Variants in PEX7 observed in about 807,000 individuals in gnomAD.
PEX7 encodes the protein peroxisomal biogenesis factor 7.
In PEX7, 34 loss-of-function variants were observed where a neutral mutation model predicts 47.5. The observed-to-expected ratio is 0.72, with a 90% CI of 0.54 to 0.95. PEX7 has a LOEUF of 0.95. PEX7 is among the 40% of genes least tolerant of loss of function. The probability of loss-of-function intolerance (pLI) is 0.00; values close to 1 mark genes in which losing one functional copy is unlikely to be tolerated. For missense variants in PEX7, 394 were observed against 400.3 expected (o/e 0.98, Z 0.13); for synonymous variants, 141 against 148.8 (o/e 0.95, Z 0.38).
At chr6:136,833,570 A>G (rs2115145647) in intron 3 of PEX7, among the ~76,000 whole-genome samples, 1 of 152,276 alleles carries the variant, frequency 6.6e-6, no homozygotes, top group East Asian at 1.9e-4. Context: ...TGGACTTGAT[A>G]TATTTCTTTT....
At chr6:136,891,651 CTTT>C (rs56658273) in intron 8 of PEX7, among the ~76,000 whole-genome samples, 3 of 140,570 alleles carry the variant, frequency 2.1e-5, no homozygotes, top group African/African-American at 2.6e-5. Flanking sequence ...TTCAACAGCC[CTTT>C]TTTTTTTTTT....
At chr6:136,883,289 T>G (rs1463170502) in intron 8 of PEX7, among the ~76,000 whole-genome samples, 5 of 152,296 alleles carry the variant, frequency 3.3e-5, no homozygotes, top group African/African-American at 9.6e-5. Context: ...TTTGAAAGCT[T>G]ATAGGCATAG....
intron 3 of PEX7, chr6:136,830,042 C>T (rs1774266186): frequency 1.4e-6 from 1 of 712,112 alleles, no homozygotes; most frequent in South Asian, 1.5e-5. Flanking sequence ...AATAGAAGAG[C>T]AACTAATGGG....
chr6:136,863,134 T>C (rs1002314027), intron 5 of PEX7, among the ~76,000 whole-genome samples: 3 of 152,242 alleles, frequency 2.0e-5, no homozygotes, highest in Non-Finnish European at 2.9e-5. Context: ...TTTGGTACTT[T>C]CAAACTTATC....
In PEX7 at chr6:136,903,427, C is replaced by T. The variant is rs1174855594; in HGVS notation, c.903+5186C>T. On this transcript the variant is annotated intron_variant, in intron 9 of 9. Transcript: ENST00000318471. Reference sequence around the variant, plus strand: ...CTGAGCTCAAGCAGTCCTCCTGCCTCGGCCTCCCAAAGTGCTGGCATTATA... The same window carrying T: ...CTGAGCTCAAGCAGTCCTCCTGCCTTGGCCTCCCAAAGTGCTGGCATTATA... Among the ~76,000 whole-genome samples, 13 of 150,026 alleles carry T rather than the reference C, an allele frequency of 8.7e-5. No homozygotes were observed. The South Asian group carries it at 1.3e-3, about 15-fold the overall frequency.
At chr6:136,855,809 G>T in intron 5 of PEX7, 1 of 300,632 alleles carries the variant, frequency 3.3e-6, no homozygotes. Flanking sequence ...CATACATCCA[G>T]TTGGCAAAGT....
intron 8 of PEX7, among the ~76,000 whole-genome samples, chr6:136,894,275 G>GGTGA (rs1381366164): frequency 3.3e-5 from 5 of 152,056 alleles, no homozygotes; most frequent in Non-Finnish European, 5.9e-5. Context: ...TGACCAACAT[G>GGTGA]GTGAAACCCC....
chr6:136,904,260 TTCCTC>T (rs1253080550), intron 9 of PEX7, among the ~76,000 whole-genome samples: 5 of 152,206 alleles, frequency 3.3e-5, no homozygotes, highest in African/African-American at 1.2e-4. Context: ...TCTCTGCTGT[TTCCTC>T]ATTGATGCTT....
chr6:136,823,274 A>G (rs1420213989), intron 1 of PEX7: 2 of 985,406 alleles, frequency 2.0e-6, no homozygotes, highest in South Asian at 4.7e-5. Flanking sequence ...CTTCCTAAGG[A>G]CGATGCTCCT....
chr6:136,910,147 T>C, intron 9 of PEX7, among the ~76,000 whole-genome samples: 1 of 152,360 alleles, frequency 6.6e-6, no homozygotes, highest in Middle Eastern at 3.4e-3. Flanking sequence ...TGCTACTCTA[T>C]TGTGAACATG....
intron 9 of PEX7, 88 bp from the exon 10 acceptor site, chr6:136,913,370 A>G: frequency 1.2e-6 from 1 of 866,028 alleles, no homozygotes; most frequent in Non-Finnish European, 2.0e-6. Context: ...ATGATTTACG[A>G]CACTCTAAAT....
intron 5 of PEX7, among the ~76,000 whole-genome samples, chr6:136,865,536 T>C (rs1775049683): frequency 6.6e-6 from 1 of 152,116 alleles, no homozygotes; most frequent in African/African-American, 2.4e-5. Context: ...TGACCACAGG[T>C]GATCTGCCCA....
rs1438384681 is a variant in PEX7, at chr6:136,846,183, T to G, written c.526+2T>G. 1 of 1,581,692 alleles carries G rather than the reference T, an allele frequency of 6.3e-7. No homozygotes were observed. Among genetic ancestry groups the G allele is most frequent in the Non-Finnish European group, 8.7e-7 (1 of 1,150,978 alleles). ...CTGGTTGTTTTGCTTCAGCCTCAGGTAAATTATTCTGTATTTACCAAAAGC... is the reference window on the plus strand; with the variant it reads ...CTGGTTGTTTTGCTTCAGCCTCAGGGAAATTATTCTGTATTTACCAAAAGC... On this transcript the variant is annotated splice_donor_variant, in intron 5 of 9. Transcript: ENST00000318471. LOFTEE classifies it high-confidence loss of function.
chr6:136,895,697 A>G (rs1252467395), intron 8 of PEX7, among the ~76,000 whole-genome samples: 1 of 152,188 alleles, frequency 6.6e-6, no homozygotes, highest in Admixed American at 6.5e-5. Context: ...GTTGGAAATG[A>G]ACCTCTCTTA....
intron 5 of PEX7, among the ~76,000 whole-genome samples, chr6:136,862,196 A>T (rs1424543705): frequency 2.0e-5 from 3 of 151,042 alleles, no homozygotes; most frequent in Non-Finnish European, 4.4e-5. Context: ...CGTCTTGAGT[A>T]GCTGGGATTA....
chr6:136,882,741 CT>C (rs1020843188), intron 8 of PEX7, among the ~76,000 whole-genome samples: 1 of 152,092 alleles, frequency 6.6e-6, no homozygotes, highest in African/African-American at 2.4e-5. Context: ...TGTTCTCCCC[CT>C]ATATCTCTCT....
intron 3 of PEX7, among the ~76,000 whole-genome samples, chr6:136,844,962 A>G (rs765053292): frequency 2.0e-5 from 3 of 152,372 alleles, no homozygotes; most frequent in Admixed American, 6.5e-5. Flanking sequence ...GACTAATTTC[A>G]TAAAGTATAA....
intron 5 of PEX7, among the ~76,000 whole-genome samples, chr6:136,861,158 C>T (rs992607091): frequency 9.2e-5 from 14 of 152,128 alleles, no homozygotes; most frequent in Non-Finnish European, 1.8e-4. Context: ...AGTCTTGGCT[C>T]ATTGTAGCCT....
Position 136,829,905 on chromosome 6 carries a change from C to T in PEX7, c.339+3436C>T, listed in dbSNP as rs563287596. 3 of 666,198 alleles carry T rather than the reference C, an allele frequency of 4.5e-6. No individual in the cohort carries two copies. The African/African-American group carries it at 5.4e-5, about 12-fold the overall frequency. 41.3% of individuals were successfully genotyped at this position (666,198 alleles called of 1,614,324 possible). A position where few individuals can be genotyped will look rare whatever the true frequency, so the allele number is the denominator to read the frequency against. ...TGAGCTGAGTTCGTGCCATTGCACT[C>T]CAGCCTGGACAACAGAGTGAGACCC... On this transcript the variant is annotated intron_variant, in intron 3 of 9. Coordinates refer to ENST00000318471, the MANE Select transcript of PEX7 (RefSeq NM_000288.4).
Sources: gnomAD v4.1 joint callset for allele counts (sites outside exome capture counted in the v4.1 genomes callset) on GRCh38, gnomAD v4.1.1 for gene constraint, MANE v1.5 for transcripts, NCBI Gene and HGNC (gene_info 2026-07-23, HGNC 2026-07-21) for gene names.